RAPGEF4: variants seen among roughly 807,000 people sequenced by gnomAD.
RAPGEF4 encodes Rap guanine nucleotide exchange factor 4.
Under a neutral mutation model 147.9 loss-of-function variants are expected in RAPGEF4, and 66 were observed. That is an observed-to-expected ratio of 0.45 (90% CI 0.37 to 0.55). The LOEUF is 0.55. Among genes scored for constraint, RAPGEF4 ranks in the 20% least tolerant of loss-of-function variants. The pLI is 0.00. For synonymous variants in RAPGEF4, 419 were observed against 442.7 expected, an observed-to-expected ratio of 0.95 and a Z score of 0.67; for missense variants, 1,071 against 1,257.3, an observed-to-expected ratio of 0.85 and a Z score of 2.24.
chr2:173,002,934 T>C (rs1251021761), intron 17 of RAPGEF4, among the ~76,000 whole-genome samples: 1 of 152,238 alleles, frequency 6.6e-6, no homozygotes, highest in African/African-American at 2.4e-5. Context: ...ATGTCTGTGC[T>C]CTTTTAACTC....
At chr2:173,000,750 C>T (rs59988803) in intron 16 of RAPGEF4, among the ~76,000 whole-genome samples, 1,000 of 23,648 alleles carry the variant, frequency 0.042, 144 homozygotes, top group East Asian at 0.13. Flanking sequence ...TTCTTTCTTT[C>T]TTTTTTTTTT....
chr2:172,764,016 C>T (rs371686568), intron 1 of RAPGEF4, among the ~76,000 whole-genome samples: 7 of 151,750 alleles, frequency 4.6e-5, no homozygotes, highest in Non-Finnish European at 8.8e-5. Flanking sequence ...TGTGGGAGAC[C>T]GAGATGGGAG....
chr2:172,800,325 A>G (rs1355490999), intron 3 of RAPGEF4, among the ~76,000 whole-genome samples: 1 of 152,198 alleles, frequency 6.6e-6, no homozygotes, highest in African/African-American at 2.4e-5. Flanking sequence ...AAGGTAGGAC[A>G]TGGTCCAGCC....
chr2:172,869,218 A>G (rs1694955926), intron 4 of RAPGEF4, among the ~76,000 whole-genome samples: 1 of 152,208 alleles, frequency 6.6e-6, no homozygotes, highest in South Asian at 2.1e-4. Flanking sequence ...ATAACACAGG[A>G]AAGTCCTTCA....
chr2:172,738,454 G>C (rs935084059), intron 1 of RAPGEF4, among the ~76,000 whole-genome samples: 2 of 149,816 alleles, frequency 1.3e-5, no homozygotes, highest in African/African-American at 4.8e-5. Context: ...GAATGCAGAT[G>C]AGAGAGTTAT....
intron 1 of RAPGEF4, 98 bp downstream of exon 1, chr2:172,736,146 C>A: frequency 1.0e-6 from 1 of 998,750 alleles, no homozygotes; most frequent in Non-Finnish European, 1.3e-6. Flanking sequence ...CGCGGCCGGG[C>A]TGCGGGTGGC....
intron 4 of RAPGEF4, among the ~76,000 whole-genome samples, chr2:172,882,510 C>G (rs1025366944): frequency 5.3e-5 from 8 of 152,112 alleles, no homozygotes; most frequent in African/African-American, 1.7e-4. Flanking sequence ...CAAAGAAGTT[C>G]AAAATGCACT....
At chr2:172,973,620 G>C (rs1690749907) in intron 10 of RAPGEF4, among the ~76,000 whole-genome samples, 1 of 152,108 alleles carries the variant, frequency 6.6e-6, no homozygotes, top group South Asian at 2.1e-4. Flanking sequence ...GACGTCAGTG[G>C]GGGCATCTGC....
intron 22 of RAPGEF4, 110 bp downstream of exon 22, chr2:173,018,912 T>C: frequency 8.2e-7 from 1 of 1,213,506 alleles, no homozygotes; most frequent in Non-Finnish European, 1.2e-6. Flanking sequence ...GAGGATGAAC[T>C]GGTGCTTATG....
intron 16 of RAPGEF4, among the ~76,000 whole-genome samples, chr2:173,000,667 A>T (rs1693804562): frequency 6.6e-6 from 1 of 151,854 alleles, no homozygotes; most frequent in South Asian, 2.1e-4. Context: ...TGAATCCACC[A>T]GCTTCTGTTT....
intron 27 of RAPGEF4, among the ~76,000 whole-genome samples, chr2:173,035,278 G>A (rs1158388617): frequency 6.6e-6 from 1 of 151,896 alleles, no homozygotes; most frequent in Non-Finnish European, 1.5e-5. Context: ...GGAGGCCGAG[G>A]CGGGCAGATC....
chr2:172,818,798 T>C (rs1464316335), intron 4 of RAPGEF4, among the ~76,000 whole-genome samples: 1 of 152,204 alleles, frequency 6.6e-6, no homozygotes, highest in Non-Finnish European at 1.5e-5. Context: ...AGCACAAAGC[T>C]AGGGAATTCC....
intron 1 of RAPGEF4, among the ~76,000 whole-genome samples, chr2:172,784,463 C>T (rs547348880): frequency 3.3e-5 from 5 of 150,848 alleles, no homozygotes; most frequent in South Asian, 4.2e-4. Context: ...GCTTGCAGTG[C>T]GCCGAGATCG....
At chr2:172,856,169 G>A (rs751267960) in intron 4 of RAPGEF4, among the ~76,000 whole-genome samples, 1 of 152,080 alleles carries the variant, frequency 6.6e-6, no homozygotes, top group Non-Finnish European at 1.5e-5. Flanking sequence ...CTGTTCTTCA[G>A]ATTGGTTAAT....
At chr2:172,880,494 T>C (rs1490979804) in intron 4 of RAPGEF4, among the ~76,000 whole-genome samples, 2 of 151,758 alleles carry the variant, frequency 1.3e-5, no homozygotes, top group East Asian at 1.9e-4. Context: ...GCTCAAGAAA[T>C]GACTAGAATA....
chr2:172,768,373 A>G lies in RAPGEF4; in HGVS notation c.66-26652A>G, dbSNP rs116130742. ...TTGGTTTTATGTTATAGGGACATTC[A>G]GTACAACAGAAAATGAAGCTATTTA... On this transcript the variant is annotated intron_variant, in intron 1 of 30. Coordinates refer to ENST00000397081, the MANE Select transcript of RAPGEF4 (RefSeq NM_007023.4). Among the ~76,000 whole-genome samples the G allele has an allele frequency of 2.7e-3, 415 of 152,334 alleles. 1 individual carries two copies. The highest frequency in any genetic ancestry group is 9.7e-3 in the African/African-American group (402 of 41,582).
intron 5 of RAPGEF4, among the ~76,000 whole-genome samples, chr2:172,919,004 T>A (rs1220000871): frequency 2.0e-5 from 3 of 152,180 alleles, no homozygotes; most frequent in African/African-American, 7.2e-5. Flanking sequence ...CTCTGCCCTG[T>A]CTCCCCATTT....
At chr2:172,961,086 T>C in intron 7 of RAPGEF4, 36 bp from the exon 8 acceptor site, 2 of 1,434,730 alleles carry the variant, frequency 1.4e-6, no homozygotes, top group Non-Finnish European at 2.0e-6. Flanking sequence ...TAAACACTTC[T>C]TTCTCCTCCC....
chr2:172,815,625 A>T (rs1300840081), intron 4 of RAPGEF4, among the ~76,000 whole-genome samples: 1 of 152,206 alleles, frequency 6.6e-6, no homozygotes, highest in Admixed American at 6.5e-5. Flanking sequence ...TTTCATTTTA[A>T]AAGGTAAACT....
Sources: allele counts gnomAD v4.1 joint callset (sites outside exome capture counted in the v4.1 genomes callset), GRCh38; gene constraint gnomAD v4.1.1; transcripts MANE v1.5; gene names NCBI Gene and HGNC (gene_info 2026-07-23, HGNC 2026-07-21).